PID1: variants seen among roughly 807,000 people sequenced by gnomAD.
PID1 encodes the protein PTB-containing, cubilin and LRP1-interacting protein.
In PID1, 10 loss-of-function variants were observed where a neutral mutation model predicts 19.1. The observed-to-expected ratio is 0.52, with a 90% CI of 0.32 to 0.89. The LOEUF (loss-of-function observed/expected upper bound fraction) is 0.89, where lower values mean the gene tolerates loss of function less well. Ranked by LOEUF, PID1 falls within the 40% of genes least tolerant of loss-of-function variation. The pLI, the probability that PID1 is intolerant of heterozygous loss-of-function variation, is 0.03. For synonymous variants in PID1, 130 were observed against 116.0 expected (o/e 1.12, Z -0.78); for missense variants, 248 against 285.3 (o/e 0.87, Z 0.94).
At chr2:229,101,590 G>C (rs1034149594) in intron 2 of PID1, among the ~76,000 whole-genome samples, 9 of 152,218 alleles carry the variant, frequency 5.9e-5, no homozygotes, top group Admixed American at 4.6e-4. Flanking sequence ...AATTTGCAAA[G>C]ACTTTAGGAG....
chr2:229,187,671 C>A, intron 1 of PID1, among the ~76,000 whole-genome samples: 1 of 152,278 alleles, frequency 6.6e-6, no homozygotes, highest in Middle Eastern at 3.4e-3. Context: ...TCCCTTATTT[C>A]ATTTATGTTT....
intron 2 of PID1, among the ~76,000 whole-genome samples, chr2:229,145,906 A>G (rs554166604): frequency 6.6e-6 from 1 of 152,364 alleles, no homozygotes; most frequent in African/African-American, 2.4e-5. Context: ...TGATTAAAAA[A>G]TGAATTTGGC....
At position 229,205,583 on chromosome 2, in the gene PID1, T is replaced by C. The variant is rs1329983299; in HGVS notation, c.31-49619A>G. On this transcript the variant is annotated intron_variant, in intron 1 of 2. Transcript: ENST00000392055. The stretch of plus-strand genomic sequence containing the variant: ...ACACACACACACAAAACCCAAATTA[T>C]ATTCAACCCTAAAAAGATATTCTTT... 2.0e-5 allele frequency among the ~76,000 whole-genome samples: 3 copies of C among 152,070 alleles called. No individual in the cohort carries two copies. In the East Asian group the frequency reaches 5.8e-4, roughly 29 times the overall value.
chr2:229,209,207 C>A (rs1034849248), intron 1 of PID1, among the ~76,000 whole-genome samples: 6 of 152,160 alleles, frequency 3.9e-5, no homozygotes, highest in Admixed American at 1.3e-4. Flanking sequence ...AGGAACTATA[C>A]CAGCAAGGCA....
chr2:229,159,216 T>C (rs181618930), intron 1 of PID1, among the ~76,000 whole-genome samples: 101 of 152,294 alleles, frequency 6.6e-4, no homozygotes, highest in African/African-American at 2.4e-3. Flanking sequence ...AGTAGAAGTT[T>C]TGGAATTTGT....
intron 1 of PID1, among the ~76,000 whole-genome samples, chr2:229,203,001 A>T (rs984807464): frequency 6.6e-6 from 1 of 152,106 alleles, no homozygotes; most frequent in African/African-American, 2.4e-5. Context: ...AAACAGTTTC[A>T]GGGGTTTCTG....
intron 2 of PID1, among the ~76,000 whole-genome samples, chr2:229,084,077 C>T (rs1430395817): frequency 2.0e-5 from 3 of 152,166 alleles, no homozygotes; most frequent in African/African-American, 7.2e-5. Flanking sequence ...GCCAATCGGA[C>T]CCTTTAAATA....
chr2:229,060,481 T>C (rs564985645), intron 2 of PID1, among the ~76,000 whole-genome samples: 90 of 152,306 alleles, frequency 5.9e-4, no homozygotes, highest in African/African-American at 2.1e-3. Flanking sequence ...TAGTATTCCA[T>C]TGTGCATATA....
intron 2 of PID1, among the ~76,000 whole-genome samples, chr2:229,091,305 CAAAT>C (rs770560092): frequency 1.0e-4 from 15 of 148,282 alleles, no homozygotes; most frequent in Non-Finnish European, 2.2e-4. Flanking sequence ...TAGACAGACA[CAAAT>C]AAGTAAGAGA....
In PID1 at chr2:229,219,838, A is replaced by AT. The variant is rs199672830; in HGVS notation, c.30+51175dup. Among the ~76,000 whole-genome samples, 253 of 148,768 alleles carry AT rather than the reference A, an allele frequency of 1.7e-3. 1 individual carries two copies. The highest frequency in any genetic ancestry group is 0.01 in the Middle Eastern group (3 of 294). On this transcript the variant is annotated intron_variant, in intron 1 of 2. Coordinates refer to ENST00000392055, the MANE Select transcript of PID1 (RefSeq NM_001100818.2). ...GCCTGGCCAAGCCCCTTTTATTTTT[A>AT]TTTTTTTTTTGTCATTGTTGTAGAT...
intron 2 of PID1, among the ~76,000 whole-genome samples, chr2:229,044,648 C>T (rs1368055439): frequency 6.6e-6 from 1 of 152,196 alleles, no homozygotes; most frequent in African/African-American, 2.4e-5. Context: ...TCTTTGTGCT[C>T]ATCATTTCCT....
chr2:229,091,997 T>G (rs929903754), intron 2 of PID1, among the ~76,000 whole-genome samples: 2 of 152,216 alleles, frequency 1.3e-5, no homozygotes, highest in African/African-American at 4.8e-5. Flanking sequence ...TTCAGCTAAA[T>G]GATGTCTAAC....
chr2:229,227,174 AACTC>A (rs1293866754), intron 1 of PID1, among the ~76,000 whole-genome samples: 2 of 152,248 alleles, frequency 1.3e-5, no homozygotes, highest in Admixed American at 1.3e-4. Context: ...TCTCCTCGAT[AACTC>A]AGATGATCAA....
At chr2:229,034,142 C>A (rs1376950796) in intron 2 of PID1, among the ~76,000 whole-genome samples, 4 of 152,192 alleles carry the variant, frequency 2.6e-5, no homozygotes, top group African/African-American at 9.7e-5. Flanking sequence ...AGGATAGATG[C>A]TGTTCATAGT....
intron 1 of PID1, among the ~76,000 whole-genome samples, chr2:229,180,330 T>C (rs555364680): frequency 2.6e-5 from 4 of 152,298 alleles, no homozygotes; most frequent in East Asian, 1.9e-4. Context: ...TGCATATCTG[T>C]ATGCGCATAG....
chr2:229,164,709 A>G (rs1245658394), intron 1 of PID1, among the ~76,000 whole-genome samples: 1 of 152,150 alleles, frequency 6.6e-6, no homozygotes, highest in Non-Finnish European at 1.5e-5. Flanking sequence ...CCCCTGAGAG[A>G]TGTGAAACAA....
chr2:229,150,276 A>G lies in PID1; in HGVS notation c.177+5542T>C, dbSNP rs193116506. Among the ~76,000 whole-genome samples the G allele has an allele frequency of 6.7e-4, 101 of 151,620 alleles. 1 individual carries two copies. Among genetic ancestry groups the G allele is most frequent in the Middle Eastern group, 3.4e-3 (1 of 294 alleles). On this transcript the variant is annotated intron_variant, in intron 2 of 2. Transcript: ENST00000392055. ...AGAGAGAGAAAGAAAGAAGTAAAGAAAAGAAAAGACAAGAGGTCATGCTAA... is the reference window on the plus strand; with the variant it reads ...AGAGAGAGAAAGAAAGAAGTAAAGAGAAGAAAAGACAAGAGGTCATGCTAA...
intron 2 of PID1, among the ~76,000 whole-genome samples, chr2:229,148,853 T>C (rs1027035638): frequency 1.3e-5 from 2 of 151,992 alleles, no homozygotes; most frequent in Non-Finnish European, 2.9e-5. Context: ...TAAAAGCTTG[T>C]CTCTGAAACA....
rs144915911 is a variant in PID1, at chr2:229,099,173, C to T, written c.177+56645G>A. Among the ~76,000 whole-genome samples, 1,080 of 152,190 alleles carry T rather than the reference C, an allele frequency of 7.1e-3. 10 individuals are homozygous for T. The highest frequency in any genetic ancestry group is 0.025 in the African/African-American group (1,030 of 41,522). On this transcript the variant is annotated intron_variant, in intron 2 of 2. Coordinates refer to ENST00000392055, the MANE Select transcript of PID1 (RefSeq NM_001100818.2). ...CCTGAACCCCAAATCTTGTGCTGTA[C>T]AATCAGGGAGTTAGAAACAAGGTAA...
Sources: gnomAD v4.1 joint callset for allele counts (sites outside exome capture counted in the v4.1 genomes callset) on GRCh38, gnomAD v4.1.1 for gene constraint, MANE v1.5 for transcripts, NCBI Gene and HGNC (gene_info 2026-07-23, HGNC 2026-07-21) for gene names.